Variants in USP13 observed in about 807,000 individuals in gnomAD.
USP13 encodes the protein ubiquitin carboxyl-terminal hydrolase 13.
In USP13, 68 loss-of-function variants were observed where a neutral mutation model predicts 107.8. The ratio of observed to expected loss-of-function variants is 0.63; its 90% confidence interval spans 0.52 to 0.77. The LOEUF (loss-of-function observed/expected upper bound fraction) is 0.77, where lower values mean the gene tolerates loss of function less well. USP13 is among the 30% of genes least tolerant of loss of function. The probability of loss-of-function intolerance (pLI) is 0.00; values close to 1 mark genes in which losing one functional copy is unlikely to be tolerated. For missense variants in USP13, 945 were observed against 1,093.3 expected (o/e 0.86, Z 1.91); for synonymous variants, 377 against 389.5 (o/e 0.97, Z 0.38).
chr3:179,728,851 G>A (rs903272525), intron 8 of USP13, among the ~76,000 whole-genome samples: 16 of 152,062 alleles, frequency 1.1e-4, no homozygotes, highest in African/African-American at 3.6e-4. Context: ...GCGTGGCGGC[G>A]CGCGCCTACA....
intron 10 of USP13, among the ~76,000 whole-genome samples, chr3:179,736,541 A>T (rs1401955175): frequency 6.6e-6 from 1 of 152,240 alleles, no homozygotes; most frequent in Non-Finnish European, 1.5e-5. Context: ...CTGCAGCATG[A>T]TGTGAAGAGG....
rs1159404727 is a variant in USP13, at chr3:179,789,375, G to C, written c.*5234G>C. 1.3e-5 allele frequency: 2 copies of C among 152,184 alleles called. No homozygotes were observed. The highest frequency in any genetic ancestry group is 2.9e-5 in the Non-Finnish European group (2 of 68,032). 9.4% of individuals were successfully genotyped at this position (152,184 alleles called of 1,614,324 possible). A position where few individuals can be genotyped will look rare whatever the true frequency, so the allele number is the denominator to read the frequency against. ...AGATGGATGATTTATTGCTTCAATT[G>C]TTTTAAATTAAAAGCTATTCTCACA... On this transcript the variant is annotated 3_prime_UTR_variant, in exon 21 of 21. Coordinates refer to ENST00000263966, the MANE Select transcript of USP13 (RefSeq NM_003940.3).
chr3:179,680,419 A>G (rs548541767), intron 1 of USP13, among the ~76,000 whole-genome samples: 9 of 152,310 alleles, frequency 5.9e-5, no homozygotes, highest in African/African-American at 2.2e-4. Context: ...AGCATCCCTA[A>G]TCTGAAAATC....
chr3:179,681,473 A>T (rs1380517128), intron 1 of USP13, among the ~76,000 whole-genome samples: 1 of 152,234 alleles, frequency 6.6e-6, no homozygotes, highest in Admixed American at 6.5e-5. Context: ...AAAAATAAAC[A>T]GTTCCAGGTG....
Position 179,752,364 on chromosome 3 carries a change from A to C in USP13, c.1789A>C (p.Lys597Gln). 6.2e-7 allele frequency: 1 copy of C among 1,613,376 alleles called. No individual in the cohort carries two copies. The highest frequency in any genetic ancestry group is 2.2e-5 in the East Asian group (1 of 44,868). The change falls in exon 14 of 21, where the codon AAA becomes CAA. Residue 597 changes from lysine to glutamine, a missense_variant. Transcript: ENST00000263966. ...KFTFGLDWVP[K>Q]KFDVSIDMPD... Reference sequence around the variant, plus strand: ...CACTTTTGGTCTTGACTGGGTTCCCAAAAAATTTGGTAGGTATCTTTTGCG... The same window carrying C: ...CACTTTTGGTCTTGACTGGGTTCCCCAAAAATTTGGTAGGTATCTTTTGCG...
chr3:179,725,203 C>T (rs908078085), intron 8 of USP13, among the ~76,000 whole-genome samples: 7 of 152,156 alleles, frequency 4.6e-5, no homozygotes, highest in Non-Finnish European at 7.4e-5. Flanking sequence ...GGGAGTGAGA[C>T]GCTGTCTTGA....
At chr3:179,734,844 A>G (rs1284031740) in intron 10 of USP13, among the ~76,000 whole-genome samples, 6 of 152,236 alleles carry the variant, frequency 3.9e-5, no homozygotes, top group Admixed American at 3.9e-4. Context: ...CTGTGGTTTA[A>G]AAGTATCTGT....
chr3:179,745,331 G>A, intron 13 of USP13, 114 bp downstream of exon 13: 1 of 1,300,752 alleles, frequency 7.7e-7, no homozygotes, highest in Non-Finnish European at 1.1e-6. Context: ...TTGTTCATGT[G>A]TGATGGATGG....
chr3:179,776,794 C>T (rs1418347751), intron 19 of USP13, among the ~76,000 whole-genome samples: 1 of 148,046 alleles, frequency 6.8e-6, no homozygotes, highest in Non-Finnish European at 1.5e-5. Flanking sequence ...AAAATTTTGA[C>T]TTTCATCAGA....
At chr3:179,659,169 A>T (rs13095347) in intron 1 of USP13, among the ~76,000 whole-genome samples, 16,475 of 152,150 alleles carry the variant, frequency 0.11, 1,268 homozygotes, top group East Asian at 0.38. Flanking sequence ...TCTGATGGAC[A>T]GGGGCCATCA....
intron 1 of USP13, among the ~76,000 whole-genome samples, chr3:179,670,296 T>C (rs1560042680): frequency 6.6e-6 from 1 of 152,282 alleles, no homozygotes; most frequent in Admixed American, 6.5e-5. Flanking sequence ...TGTCTCTCTT[T>C]ACTAGGACTT....
chr3:179,657,700 G>A (rs1294393508), intron 1 of USP13, among the ~76,000 whole-genome samples: 1 of 137,834 alleles, frequency 7.3e-6, no homozygotes, highest in Non-Finnish European at 1.5e-5. Flanking sequence ...GGAGGCAGAG[G>A]TTGCAGTAAG....
chr3:179,754,825 C>T lies in USP13; in HGVS notation c.1892C>T (p.Pro631Leu). 6.2e-7 allele frequency: 1 copy of T among 1,612,472 alleles called. No individual in the cohort carries two copies. The highest frequency in any genetic ancestry group is 8.5e-7 in the Non-Finnish European group (1 of 1,179,422). ...GAGGAAGAACTTCCAGACATCAGCC[C>T]CCCCATAGTCATTCCTGATGACTCA... ...PGEEELPDISPPIVIPDDSKD... is the reference protein window; with the variant it reads ...PGEEELPDISLPIVIPDDSKD... The change falls in exon 15 of 21, where the codon CCC becomes CTC. Residue 631 changes from proline to leucine, a missense_variant. Physicochemically the swap from Pro to Leu is moderately conservative, Grantham distance 98. Transcript: ENST00000263966.
chr3:179,656,062 T>A (rs1720250648), intron 1 of USP13, among the ~76,000 whole-genome samples: 1 of 152,064 alleles, frequency 6.6e-6, no homozygotes, highest in African/African-American at 2.4e-5. Context: ...AAAGAAATCA[T>A]CCCTGCATTG....
chr3:179,740,214 G>A (rs1714138255), intron 10 of USP13, 33 bp from the exon 11 acceptor site: 12 of 1,609,716 alleles, frequency 7.5e-6, no homozygotes, highest in Non-Finnish European at 1.0e-5. Flanking sequence ...TTGCATGAAA[G>A]TATCATAAGT....
chr3:179,749,249 A>G (rs1714513821), intron 13 of USP13, among the ~76,000 whole-genome samples: 1 of 152,172 alleles, frequency 6.6e-6, no homozygotes, highest in Non-Finnish European at 1.5e-5. Flanking sequence ...AATAATGCTA[A>G]CAGGTTGTTA....
At chr3:179,736,889 A>T (rs1714013956) in intron 10 of USP13, among the ~76,000 whole-genome samples, 1 of 152,190 alleles carries the variant, frequency 6.6e-6, no homozygotes, top group Non-Finnish European at 1.5e-5. Flanking sequence ...TGTGTTGGGG[A>T]CTGGCAGCCA....
In USP13 at chr3:179,784,936, A is replaced by G. The variant is rs1221139752; in HGVS notation, c.*795A>G. On this transcript the variant is annotated 3_prime_UTR_variant, in exon 21 of 21. Transcript: ENST00000263966. ...TCCCCACTTAGATTTTTAAGGAGTA[A>G]AAAGGGCTGAGTTATGCCTTTAAGT... The G allele has an allele frequency of 1.3e-5, 2 of 152,198 alleles. No homozygotes were observed. Among genetic ancestry groups the G allele is most frequent in the East Asian group, 3.8e-4 (2 of 5,200 alleles). The allele number at this position is 152,198 out of a possible 1,614,324, so 9.4% of individuals were successfully genotyped here.
chr3:179,788,716 G>C lies in USP13; in HGVS notation c.*4575G>C, dbSNP rs968399651. On this transcript the variant is annotated 3_prime_UTR_variant, in exon 21 of 21. Transcript: ENST00000263966. ...TAAAGAACTTCAAATTAGACATGTG[G>C]ATAACGTTATACTTCTATTGGACAG... The C allele has an allele frequency of 8.6e-5, 13 of 152,036 alleles. No individual in the cohort carries two copies. The highest frequency in any genetic ancestry group is 8.3e-4 in the South Asian group (4 of 4,806). The allele number at this position is 152,036 out of a possible 1,614,324, so 9.4% of individuals were successfully genotyped here.
Sources: gnomAD v4.1 joint callset for allele counts (sites outside exome capture counted in the v4.1 genomes callset) on GRCh38, gnomAD v4.1.1 for gene constraint, MANE v1.5 for transcripts, NCBI Gene and HGNC (gene_info 2026-07-23, HGNC 2026-07-21) for gene names.